Variants in GPR161 observed in about 807,000 individuals in gnomAD.
GPR161 encodes G-protein coupled receptor RE2.
GPR161 carries 25 observed loss-of-function variants against 39.2 expected under a neutral mutation model. The ratio of observed to expected loss-of-function variants is 0.64; its 90% confidence interval spans 0.47 to 0.89. The LOEUF (loss-of-function observed/expected upper bound fraction) is 0.89. Ranked by LOEUF, GPR161 falls within the 40% of genes least tolerant of loss-of-function variation. GPR161 has a pLI of 0.00. For missense variants in GPR161, 547 were observed against 677.8 expected (o/e 0.81, Z 2.14); for synonymous variants, 286 against 276.6 (o/e 1.03, Z -0.34).
chr1:168,131,807 T>C (rs984844189), intron 1 of GPR161, among the ~76,000 whole-genome samples: 11 of 152,110 alleles, frequency 7.2e-5, no homozygotes, highest in Non-Finnish European at 1.2e-4. Flanking sequence ...TTTGATTTAT[T>C]AACAAGAAAA....
intron 1 of GPR161, among the ~76,000 whole-genome samples, chr1:168,115,861 C>A (rs1324154078): frequency 6.6e-6 from 1 of 151,940 alleles, no homozygotes; most frequent in Non-Finnish European, 1.5e-5. Flanking sequence ...CTGCAAGCTC[C>A]ACCTCCCGGG....
At chr1:168,117,326 A>G (rs1275266966) in intron 1 of GPR161, among the ~76,000 whole-genome samples, 1 of 152,226 alleles carries the variant, frequency 6.6e-6, no homozygotes, top group East Asian at 1.9e-4. Context: ...ACTATTACAC[A>G]CATAATCTCA....
intron 2 of GPR161, among the ~76,000 whole-genome samples, chr1:168,097,776 G>A (rs909987515): frequency 1.3e-5 from 2 of 152,286 alleles, no homozygotes; most frequent in African/African-American, 4.8e-5. Context: ...GGCCTGGAGT[G>A]GTAAGGGCCA....
chr1:168,105,037 A>G, intron 1 of GPR161, 143 bp from the exon 2 acceptor site: 2 of 622,672 alleles, frequency 3.2e-6, no homozygotes, highest in Non-Finnish European at 5.6e-6. Context: ...GGTCTTCCCC[A>G]CGTAAGCGCT....
chr1:168,136,158 C>T, intron 1 of GPR161: 2 of 1,269,244 alleles, frequency 1.6e-6, no homozygotes. Flanking sequence ...CAGAGCCGCC[C>T]ATCCGGCGGC....
At chr1:168,133,909 C>G (rs1378753243) in intron 1 of GPR161, 5 of 969,330 alleles carry the variant, frequency 5.2e-6, no homozygotes, top group Non-Finnish European at 6.1e-6. Context: ...ATATTGAGCA[C>G]ACTGAAAAAG....
In GPR161 at chr1:168,090,793, C is replaced by G. The variant is rs998449806; in HGVS notation, c.1100-125G>C. Reference sequence around the variant, plus strand: ...CCTTGCAAAACTCACTCTCAACTCCCTGAAAGACAGGAGAGCTTAGCTGCT... The same window carrying G: ...CCTTGCAAAACTCACTCTCAACTCCGTGAAAGACAGGAGAGCTTAGCTGCT... On this transcript the variant is annotated intron_variant, in intron 3 of 5. Transcript: ENST00000682931. 4 of 554,724 alleles carry G rather than the reference C, an allele frequency of 7.2e-6. No individual in the cohort carries two copies. In the African/African-American group the frequency reaches 7.6e-5, roughly 10 times the overall value. 34.4% of individuals were successfully genotyped at this position (554,724 alleles called of 1,614,324 possible). A position where few individuals can be genotyped will look rare whatever the true frequency, so the allele number is the denominator to read the frequency against.
chr1:168,118,173 G>A (rs575304459), intron 1 of GPR161, among the ~76,000 whole-genome samples: 3 of 152,284 alleles, frequency 2.0e-5, no homozygotes, highest in South Asian at 4.1e-4. Context: ...TGAATCCAAA[G>A]ACACTATCAA....
At position 168,104,724 on chromosome 1, in the gene GPR161, G is replaced by A; in HGVS notation, c.127C>T (p.Leu43=). The change falls in exon 2 of 6, where the codon CTG becomes TTG. Residue 43 remains leucine, a synonymous_variant. Coordinates refer to ENST00000682931, the MANE Select transcript of GPR161 (RefSeq NM_001375883.1). Reference sequence around the variant, plus strand: ...GTGACCACGATGACCAGGTTTCCCAGGCAGACAAAAATGGTGATGACAATG... The same window carrying A: ...GTGACCACGATGACCAGGTTTCCCAAGCAGACAAAAATGGTGATGACAATG... ...AIIVITIFVC[L]GNLVIVVTLY... 1.2e-6 allele frequency: 2 copies of A among 1,614,076 alleles called. No homozygotes were observed. Among genetic ancestry groups the A allele is most frequent in the East Asian group, 4.5e-5 (2 of 44,884 alleles).
At chr1:168,095,033 A>C (rs1444751727) in intron 3 of GPR161, among the ~76,000 whole-genome samples, 1 of 152,220 alleles carries the variant, frequency 6.6e-6, no homozygotes, top group African/African-American at 2.4e-5. Context: ...ACTAGCAATA[A>C]GGCATATTGG....
intron 1 of GPR161, among the ~76,000 whole-genome samples, chr1:168,124,448 C>T (rs1321688019): frequency 6.6e-6 from 1 of 152,078 alleles, no homozygotes; most frequent in Non-Finnish European, 1.5e-5. Flanking sequence ...ATAAGGTATA[C>T]AAAACATAAT....
At chr1:168,086,787 A>C (rs1158588861) in intron 5 of GPR161, among the ~76,000 whole-genome samples, 1 of 152,236 alleles carries the variant, frequency 6.6e-6, no homozygotes, top group African/African-American at 2.4e-5. Flanking sequence ...AAGCGAATGA[A>C]CTGTTTTCCA....
rs563708282 is a variant in GPR161 at position 168,103,172 on chromosome 1, T to C, written c.374+1305A>G. On this transcript the variant is annotated intron_variant, in intron 2 of 5. Transcript: ENST00000682931. ...ATTTATATACCTCCACAGGATGGAATACCTCGTAACCATGAAAAATCACCT... is the reference window on the plus strand; with the variant it reads ...ATTTATATACCTCCACAGGATGGAACACCTCGTAACCATGAAAAATCACCT... 2.6e-5 allele frequency among the ~76,000 whole-genome samples: 4 copies of C among 152,306 alleles called. No homozygotes were observed. The South Asian group carries it at 8.3e-4, about 32-fold the overall frequency.
In GPR161 at chr1:168,096,776, A is replaced by G; in HGVS notation, c.831T>C (p.Gly277=). The G allele has an allele frequency of 2.5e-6, 4 of 1,614,078 alleles. No individual in the cohort carries two copies. The highest frequency in any genetic ancestry group is 3.4e-6 in the Non-Finnish European group (4 of 1,180,016). ...KALITILVVL[G]AFMVTWGPYM... ...AGGGGCCCCAGGTGACCATGAAGGC[A>G]CCGAGGACCACCAGGATGGTGATGA... The change falls in exon 3 of 6, where the codon GGT becomes GGC. Residue 277 remains glycine (G), a synonymous_variant. Transcript: ENST00000682931.
chr1:168,117,698 T>G (rs1697754163), intron 1 of GPR161, among the ~76,000 whole-genome samples: 1 of 152,200 alleles, frequency 6.6e-6, no homozygotes, highest in Non-Finnish European at 1.5e-5. Flanking sequence ...CAGTAGGTAT[T>G]AGCCCTACAA....
chr1:168,098,551 G>C lies in GPR161; in HGVS notation c.375-1319C>G, dbSNP rs990925870. Among the ~76,000 whole-genome samples the C allele has an allele frequency of 5.3e-5, 8 of 152,368 alleles. No homozygotes were observed. Among genetic ancestry groups the C allele is most frequent in the Middle Eastern group, 3.4e-3 (1 of 294 alleles). On this transcript the variant is annotated intron_variant, in intron 2 of 5. Coordinates refer to ENST00000682931, the MANE Select transcript of GPR161 (RefSeq NM_001375883.1). This position sits in a 1 kb window ranked among gnomAD's most constrained non-coding sequence, Gnocchi z 4.1. The stretch of plus-strand genomic sequence containing the variant: ...GCCTCACACATCGCCTGGGAAGGTG[G>C]CTCCTCCACAGGGACCGCCCTGAGT...
intron 1 of GPR161, 35 bp downstream of exon 1, chr1:168,136,704 C>A: frequency 1.9e-6 from 2 of 1,058,226 alleles, no homozygotes; most frequent in East Asian, 6.6e-5. Context: ...CCTCTCCGCC[C>A]GGGCCCGCGC....
At position 168,085,013 on chromosome 1, in the gene GPR161, A is replaced by G. The variant is rs1326692662; in HGVS notation, c.*518T>C. 1 of 456,238 alleles carries G rather than the reference A, an allele frequency of 2.2e-6. No homozygotes were observed. The highest frequency in any genetic ancestry group is 2.0e-5 in the African/African-American group (1 of 50,080). The allele number at this position is 456,238 out of a possible 1,614,324, so 28.3% of individuals were successfully genotyped here. On this transcript the variant is annotated 3_prime_UTR_variant, in exon 6 of 6. Transcript: ENST00000682931. ...CCAGTCCTAGAACTGAGGGTCCCAC[A>G]CTGCCCGCATCAACCATGTAGAGGC...
intron 1 of GPR161, among the ~76,000 whole-genome samples, chr1:168,115,673 G>A (rs542219528): frequency 1.3e-5 from 2 of 152,260 alleles, no homozygotes; most frequent in Admixed American, 6.5e-5. Flanking sequence ...GGTTACTGGC[G>A]GGGTGTGGTG....
Sources: gnomAD v4.1 joint callset for allele counts (sites outside exome capture counted in the v4.1 genomes callset) on GRCh38, gnomAD v4.1.1 for gene constraint, Gnocchi (gnomAD v3.1) non-coding constraint, MANE v1.5 for transcripts, NCBI Gene and HGNC (gene_info 2026-07-23, HGNC 2026-07-21) for gene names.